RYR2: variants seen among roughly 807,000 people sequenced by gnomAD.
The protein encoded by RYR2 is ryanodine receptor 2, also known as cardiac muscle ryanodine receptor-calcium release channel.
RYR2 carries 227 observed loss-of-function variants against 601.1 expected under a neutral mutation model. That is an observed-to-expected ratio of 0.38 (90% CI 0.34 to 0.42). The LOEUF (loss-of-function observed/expected upper bound fraction) is 0.42. Ranked by LOEUF, RYR2 falls within the 10% of genes least tolerant of loss-of-function variation. RYR2 has a pLI of 1.00. For missense variants in RYR2, 4,646 were observed against 6,156.5 expected (o/e 0.75, Z 8.21); for synonymous variants, 2,223 against 2,175.1 (o/e 1.02, Z -0.61).
At chr1:237,827,967 G>C (rs1459582029) in intron 101 of RYR2, among the ~76,000 whole-genome samples, 2 of 94,970 alleles carry the variant, frequency 2.1e-5, no homozygotes, top group Non-Finnish European at 4.6e-5. Context: ...AAAAAAAAAA[G>C]ACTTGAGGCA....
At chr1:237,098,213 G>T (rs1370427703) in intron 1 of RYR2, among the ~76,000 whole-genome samples, 1 of 152,160 alleles carries the variant, frequency 6.6e-6, no homozygotes, top group African/African-American at 2.4e-5. Flanking sequence ...AGTCGATATT[G>T]ATTGATTGGT....
At chr1:237,572,329 T>A (rs937566196) in intron 29 of RYR2, among the ~76,000 whole-genome samples, 5 of 152,174 alleles carry the variant, frequency 3.3e-5, no homozygotes, top group Admixed American at 2.0e-4. Flanking sequence ...TTAAAAAAAA[T>A]TTAAATGCAT....
chr1:237,144,492 G>C (rs544048787), intron 1 of RYR2, among the ~76,000 whole-genome samples: 3 of 152,298 alleles, frequency 2.0e-5, no homozygotes, highest in African/African-American at 7.2e-5. Flanking sequence ...ATTCCAAAGA[G>C]ATGTTTCTCA....
rs1463875323 is a variant in RYR2 at position 237,454,429 on chromosome 1, C to T, written c.1331C>T (p.Thr444Ile). The change falls in exon 15 of 105, where the codon ACA (threonine) becomes ATA (isoleucine). Residue 444 changes from threonine (T) to isoleucine (I), a missense_variant. Thr to Ile is a moderately conservative substitution (Grantham distance 89, BLOSUM62 -1). Transcript: ENST00000366574. The stretch of plus-strand genomic sequence containing the variant: ...CTCAGCAAGAAAGCGAAGGCTTCCA[C>T]AGTCGATTTGCCTATAGAGTCCGTA... The part of the protein sequence containing the change: ...DALSKKAKAS[T>I]VDLPIESVSL... 5 of 1,612,812 alleles carry T rather than the reference C, an allele frequency of 3.1e-6. No individual in the cohort carries two copies. The Admixed American group carries it at 8.4e-5, about 27-fold the overall frequency.
intron 25 of RYR2, among the ~76,000 whole-genome samples, chr1:237,547,623 G>C (rs2392633): frequency 0.021 from 3,188 of 152,272 alleles, 107 homozygotes; most frequent in African/African-American, 0.072. Flanking sequence ...GCCAATCTCA[G>C]TAGTTAAATA....
chr1:237,115,002 T>A (rs1669895749), intron 1 of RYR2, among the ~76,000 whole-genome samples: 1 of 152,120 alleles, frequency 6.6e-6, no homozygotes, highest in Non-Finnish European at 1.5e-5. Flanking sequence ...TCACCAAGTA[T>A]AGGACTTGAG....
intron 12 of RYR2, among the ~76,000 whole-genome samples, chr1:237,437,521 G>T (rs1707522029): frequency 6.6e-6 from 1 of 152,178 alleles, no homozygotes; most frequent in African/African-American, 2.4e-5. Context: ...GGCTGTTCTG[G>T]TCCTGAGGTT....
intron 87 of RYR2, among the ~76,000 whole-genome samples, chr1:237,775,269 T>C (rs1350094233): frequency 2.0e-5 from 3 of 152,216 alleles, no homozygotes; most frequent in Non-Finnish European, 4.4e-5. Context: ...TGACATTTTA[T>C]ATACTCATGG....
chr1:237,745,847 A>T (rs1692026037), intron 80 of RYR2, among the ~76,000 whole-genome samples: 1 of 152,154 alleles, frequency 6.6e-6, no homozygotes, highest in Non-Finnish European at 1.5e-5. Context: ...AAGTGCTGGG[A>T]ATTGCCACAC....
chr1:237,557,441 A>G (rs971883612), intron 27 of RYR2, among the ~76,000 whole-genome samples: 1 of 152,208 alleles, frequency 6.6e-6, no homozygotes, highest in East Asian at 1.9e-4. Flanking sequence ...AGTATATGTA[A>G]AGGCTTAGAG....
chr1:237,688,504 A>G (rs1375631823), intron 63 of RYR2, among the ~76,000 whole-genome samples: 1 of 151,994 alleles, frequency 6.6e-6, no homozygotes, highest in Non-Finnish European at 1.5e-5. Context: ...ATAGTAGGTT[A>G]TTGCTATATT....
At chr1:237,553,923 G>A (rs1471783210) in intron 27 of RYR2, among the ~76,000 whole-genome samples, 1 of 151,840 alleles carries the variant, frequency 6.6e-6, no homozygotes, top group African/African-American at 2.4e-5. Context: ...TGTAAATTCA[G>A]TGGGATTGTC....
chr1:237,603,196 A>G (rs927818309), intron 35 of RYR2, among the ~76,000 whole-genome samples: 1 of 152,104 alleles, frequency 6.6e-6, no homozygotes, highest in Non-Finnish European at 1.5e-5. Context: ...CACTGTCCCT[A>G]CCTACTATCC....
intron 1 of RYR2, among the ~76,000 whole-genome samples, chr1:237,123,640 A>C (rs886947607): frequency 1.4e-5 from 2 of 142,258 alleles, no homozygotes; most frequent in Non-Finnish European, 3.0e-5. Context: ...CTTTGATCCT[A>C]TCAGTCACTA....
chr1:237,392,946 G>T (rs1276300121), intron 10 of RYR2, among the ~76,000 whole-genome samples: 2 of 152,148 alleles, frequency 1.3e-5, no homozygotes, highest in African/African-American at 4.8e-5. Context: ...ATTTTCTCAA[G>T]AAGTTTACAT....
chr1:237,619,591 A>G (rs746552162), intron 38 of RYR2, among the ~76,000 whole-genome samples: 2 of 152,200 alleles, frequency 1.3e-5, no homozygotes, highest in Non-Finnish European at 2.9e-5. Flanking sequence ...TTTCAAGTTC[A>G]GTAAAAGATA....
chr1:237,428,671 A>T (rs957200753), intron 12 of RYR2, among the ~76,000 whole-genome samples: 2 of 151,694 alleles, frequency 1.3e-5, no homozygotes, highest in Non-Finnish European at 2.9e-5. Flanking sequence ...AACCTAGATG[A>T]TGGGTTGATA....
chr1:237,114,713 T>G (rs181356170), intron 1 of RYR2, among the ~76,000 whole-genome samples: 1 of 152,326 alleles, frequency 6.6e-6, no homozygotes, highest in Non-Finnish European at 1.5e-5. Flanking sequence ...TAAAAACCCA[T>G]GCTCTGGAGC....
At chr1:237,627,699 G>C (rs1414737185) in intron 40 of RYR2, 108 bp from the exon 41 acceptor site, 23 of 1,165,424 alleles carry the variant, frequency 2.0e-5, no homozygotes, top group Non-Finnish European at 2.6e-5. Context: ...TTCAAGCCTG[G>C]TACAAATAGA....
Sources: gnomAD v4.1 joint callset for allele counts (sites outside exome capture counted in the v4.1 genomes callset) on GRCh38, gnomAD v4.1.1 for gene constraint, MANE v1.5 for transcripts, NCBI Gene and HGNC (gene_info 2026-07-23, HGNC 2026-07-21) for gene names.